GALNT6: variants seen among roughly 807,000 people sequenced by gnomAD.
GALNT6 encodes polypeptide N-acetylgalactosaminyltransferase 6, also known as GalNAc transferase 6.
GALNT6 carries 51 observed loss-of-function variants against 65.9 expected under a neutral mutation model. The ratio of observed to expected loss-of-function variants is 0.77; its 90% CI spans 0.62 to 0.98. The LOEUF (loss-of-function observed/expected upper bound fraction) is 0.98. Ranked by LOEUF, GALNT6 falls within the 50% of genes least tolerant of loss-of-function variation. GALNT6 has a pLI of 0.00. For synonymous variants in GALNT6, 323 were observed against 315.1 expected, an observed-to-expected ratio of 1.02 and a Z score of -0.26; for missense variants, 708 against 803.3, an observed-to-expected ratio of 0.88 and a Z score of 1.43.
intron 2 of GALNT6, among the ~76,000 whole-genome samples, chr12:51,389,195 C>T (rs1947934587): frequency 6.6e-6 from 1 of 152,244 alleles, no homozygotes. Context: ...GAGCTGAGTT[C>T]ACCCAAGCTA....
chr12:51,367,881 G>GTTTATAGA (rs953805953), intron 4 of GALNT6, among the ~76,000 whole-genome samples: 4 of 152,156 alleles, frequency 2.6e-5, no homozygotes, highest in African/African-American at 4.8e-5. Flanking sequence ...TGTCCCCAGT[G>GTTTATAGA]TTTATAGATG....
At chr12:51,361,014 C>A (rs1946910328) in intron 6 of GALNT6, among the ~76,000 whole-genome samples, 176 bp from the exon 7 acceptor site, 1 of 152,330 alleles carries the variant, frequency 6.6e-6, no homozygotes, top group East Asian at 1.9e-4. Flanking sequence ...ACTATGTCCT[C>A]TTCCCCTTCT....
In GALNT6 at chr12:51,364,306, C is replaced by G. The variant is rs149435032; in HGVS notation, c.864G>C (p.Glu288Asp). 21 of 1,614,088 alleles carry G rather than the reference C, an allele frequency of 1.3e-5. No homozygotes were observed. The African/African-American group carries it at 2.4e-4, about 18-fold the overall frequency. ...WLEPLLARIA[E>D]DKTVVVSPDI... Reference sequence around the variant, plus strand: ...CTGGGCTCACCACCACTGTCTTGTCCTCAGCGATTCGAGCCAGGAGGGGCT... The same window carrying G: ...CTGGGCTCACCACCACTGTCTTGTCGTCAGCGATTCGAGCCAGGAGGGGCT... Residue 288 changes from glutamate (E) to aspartate (D), a missense_variant, in exon 6 of 12, where the codon GAG (glutamate) becomes GAC (aspartate). Coordinates refer to ENST00000356317, the MANE Select transcript of GALNT6 (RefSeq NM_007210.4).
chr12:51,389,609 C>T (rs1450695201), intron 2 of GALNT6, among the ~76,000 whole-genome samples: 2 of 152,184 alleles, frequency 1.3e-5, no homozygotes, highest in Admixed American at 6.5e-5. Context: ...GATTATATAT[C>T]GAAGTTAGTG....
At position 51,379,867 on chromosome 12, in the gene GALNT6, A is replaced by G. The variant is rs1592350710; in HGVS notation, c.-86T>C. 2.2e-6 allele frequency: 3 copies of G among 1,334,904 alleles called. No individual in the cohort carries two copies. Among genetic ancestry groups the G allele is most frequent in the East Asian group, 5.0e-5 (2 of 40,144 alleles). The allele number at this position is 1,334,904 out of a possible 1,614,324, so 82.7% of individuals were successfully genotyped here. ...GATAGCTTGATACGTTGTGGTGGCC[A>G]CAAGCTGGGGCCTCAGCCTGAGAAA... On this transcript the variant is annotated 5_prime_UTR_variant, in exon 3 of 12. Transcript: ENST00000356317.
chr12:51,379,504 A>AAC lies in GALNT6; in HGVS notation c.276_277dup (p.Phe93CysfsTer8). ...GGGCTTCAGTTCAGCTGGGGTATAG[A>AAC]ACCCAGGGAGGCAGGACTGGTTTAT... On this transcript the variant is annotated frameshift_variant, in exon 3 of 12. Transcript: ENST00000356317. LOFTEE classifies it high-confidence loss of function. The AAC allele has an allele frequency of 6.2e-7, 1 of 1,614,100 alleles. No homozygotes were observed.
intron 6 of GALNT6, among the ~76,000 whole-genome samples, chr12:51,362,923 C>T (rs964221144): frequency 2.6e-5 from 4 of 151,476 alleles, no homozygotes; most frequent in Admixed American, 2.6e-4. Flanking sequence ...TTGTTAAACT[C>T]CTGAGCTCAA....
intron 2 of GALNT6, among the ~76,000 whole-genome samples, chr12:51,384,361 CAG>C: frequency 6.6e-6 from 1 of 152,280 alleles, no homozygotes; most frequent in Non-Finnish European, 1.5e-5. Context: ...AAAATAAATT[CAG>C]AGTGTTGCAA....
intron 4 of GALNT6, among the ~76,000 whole-genome samples, chr12:51,374,068 C>T (rs1444171459): frequency 6.6e-6 from 1 of 152,076 alleles, no homozygotes; most frequent in Non-Finnish European, 1.5e-5. Flanking sequence ...TGACATTGCC[C>T]AGGCTGGTCT....
At chr12:51,365,163 G>A (rs1042411894) in intron 5 of GALNT6, among the ~76,000 whole-genome samples, 10 of 152,160 alleles carry the variant, frequency 6.6e-5, no homozygotes, top group Non-Finnish European at 1.5e-4. Context: ...AGTACAGGGA[G>A]GGATGAATGT....
intron 9 of GALNT6, 83 bp downstream of exon 9, chr12:51,358,047 C>A: frequency 7.6e-7 from 1 of 1,315,154 alleles, no homozygotes; most frequent in Non-Finnish European, 1.1e-6. Flanking sequence ...TCTTGTTTGT[C>A]ATCCATCTGT....
chr12:51,390,165 T>TCTTTC (rs1948001747), intron 2 of GALNT6, among the ~76,000 whole-genome samples: 1 of 115,624 alleles, frequency 8.6e-6, no homozygotes, highest in Non-Finnish European at 2.0e-5. Flanking sequence ...TCTTTTTTTT[T>TCTTTC]TTTTTTTTTT....
chr12:51,356,051 G>A (rs541570791), intron 10 of GALNT6, 93 bp from the exon 11 acceptor site: 2 of 1,150,434 alleles, frequency 1.7e-6, no homozygotes, highest in Admixed American at 3.8e-5. Flanking sequence ...TGGTCTCCTG[G>A]GGAGGAGAGT....
At chr12:51,358,933 C>T (rs1339397435) in intron 8 of GALNT6, among the ~76,000 whole-genome samples, 199 bp downstream of exon 8, 1 of 152,156 alleles carries the variant, frequency 6.6e-6, no homozygotes, top group Admixed American at 6.5e-5. Flanking sequence ...AGACTCTATG[C>T]GTAGGGACAA....
At chr12:51,375,852 C>T (rs1947436169) in intron 4 of GALNT6, among the ~76,000 whole-genome samples, 1 of 151,972 alleles carries the variant, frequency 6.6e-6, no homozygotes, top group South Asian at 2.1e-4. Context: ...CCACCACGCC[C>T]AGTCCTTTTT....
chr12:51,385,628 C>A (rs1947810778), intron 2 of GALNT6, among the ~76,000 whole-genome samples: 1 of 152,076 alleles, frequency 6.6e-6, no homozygotes, highest in Non-Finnish European at 1.5e-5. Context: ...TTCTAGCCCC[C>A]CTCCAAAAAG....
At position 51,379,172 on chromosome 12, in the gene GALNT6, C is replaced by T. The variant is rs1270083102; in HGVS notation, c.491+119G>A. 1.7e-5 allele frequency: 17 copies of T among 999,402 alleles called. No homozygotes were observed. In the South Asian group the frequency reaches 3.2e-4, roughly 19 times the overall value. 61.9% of individuals were successfully genotyped at this position (999,402 alleles called of 1,614,324 possible). ...AAGTGAGGCATAGAGGAGATCCTTG[C>T]CCATATTATAAAATTCCCTTCAACT... is the stretch of plus-strand genomic sequence containing the variant. On this transcript the variant is annotated intron_variant, in intron 3 of 11. Transcript: ENST00000356317.
intron 2 of GALNT6, among the ~76,000 whole-genome samples, chr12:51,385,730 A>AC (rs1947815899): frequency 6.7e-6 from 1 of 149,730 alleles, no homozygotes; most frequent in Non-Finnish European, 1.5e-5. Flanking sequence ...ATCACAGCCC[A>AC]CCCTGTGTTT....
At chr12:51,362,484 A>G (rs1416258024) in intron 6 of GALNT6, among the ~76,000 whole-genome samples, 3 of 152,152 alleles carry the variant, frequency 2.0e-5, no homozygotes, top group African/African-American at 7.2e-5. Context: ...CTACCGGGGC[A>G]TGTGGGCCAA....
Sources: gnomAD v4.1 joint callset for allele counts (sites outside exome capture counted in the v4.1 genomes callset) on GRCh38, gnomAD v4.1.1 for gene constraint, MANE v1.5 for transcripts, NCBI Gene and HGNC (gene_info 2026-07-23, HGNC 2026-07-21) for gene names.